The following GPRIN3 variants were observed in gnomAD, a reference collection of about 807,000 sequenced individuals.
GPRIN3 encodes the protein GPRIN family member 3.
Under a neutral mutation model 13.7 loss-of-function variants are expected in GPRIN3, and 12 were observed. That is an observed-to-expected ratio of 0.87 (90% CI 0.56 to 1.42). The LOEUF (loss-of-function observed/expected upper bound fraction) is 1.42, where lower values mean the gene tolerates loss of function less well. GPRIN3 is among the 40% of genes most tolerant of loss of function. The pLI, the probability that GPRIN3 is intolerant of heterozygous loss-of-function variation, is 0.00. For missense variants in GPRIN3, 1,009 were observed against 958.7 expected (o/e 1.05, Z -0.69); for synonymous variants, 377 against 372.7 (o/e 1.01, Z -0.13).
Position 89,250,064 on chromosome 4 carries a change from A to G in GPRIN3, c.47T>C (p.Ile16Thr), listed in dbSNP as rs1723283716. The change falls in exon 2 of 2, where the codon ATT becomes ACT. Residue 16 changes from isoleucine (I) to threonine (T), a missense_variant. By Grantham distance (89) the Ile-to-Thr change is moderately conservative. Coordinates refer to ENST00000609438, the MANE Select transcript of GPRIN3 (RefSeq NM_198281.3). ...DPLRSAKTSL[I>T]AASGKEDDLG... ...ATCGTCTTCTTTTCCGGAAGCTGCAATCAGGGAAGTTTTAGCTGATCTCAG... is the reference window on the plus strand; with the variant it reads ...ATCGTCTTCTTTTCCGGAAGCTGCAGTCAGGGAAGTTTTAGCTGATCTCAG... 5 of 1,613,844 alleles carry G rather than the reference A, an allele frequency of 3.1e-6. No homozygotes were observed. Among genetic ancestry groups the G allele is most frequent in the South Asian group, 1.1e-5 (1 of 91,094 alleles).
chr4:89,307,354 C>A (rs1184579210), intron 1 of GPRIN3, among the ~76,000 whole-genome samples: 3 of 152,028 alleles, frequency 2.0e-5, no homozygotes, highest in Non-Finnish European at 4.4e-5. Context: ...AATTTCCCTG[C>A]CCACGATCAG....
At chr4:89,284,559 C>T (rs943812021) in intron 1 of GPRIN3, among the ~76,000 whole-genome samples, 1 of 152,182 alleles carries the variant, frequency 6.6e-6, no homozygotes, top group African/African-American at 2.4e-5. Context: ...GTAGTAACAG[C>T]AATAATATTA....
chr4:89,248,441 G>C lies in GPRIN3; in HGVS notation c.1670C>G (p.Ser557Trp), dbSNP rs200328226. ...KEKESTGTDT[S>W]DAKTLLLNPK... ...ATTGAGCAGTAGGGTTTTGGCATCC[G>C]AGGTATCAGTGCCAGTAGACTCTTT... Residue 557 changes from serine (S) to tryptophan (W), a missense_variant, in exon 2 of 2, where the codon TCG becomes TGG. Ser to Trp is a radical substitution (Grantham distance 177). Coordinates refer to ENST00000609438, the MANE Select transcript of GPRIN3 (RefSeq NM_198281.3). 6.2e-7 allele frequency: 1 copy of C among 1,614,084 alleles called. No individual in the cohort carries two copies. The highest frequency in any genetic ancestry group is 8.5e-7 in the Non-Finnish European group (1 of 1,179,976).
At chr4:89,267,209 T>G (rs1393117312) in intron 1 of GPRIN3, among the ~76,000 whole-genome samples, 1 of 152,186 alleles carries the variant, frequency 6.6e-6, no homozygotes, top group Non-Finnish European at 1.5e-5. Flanking sequence ...GGTTTCCCAT[T>G]TTATAATCCT....
At position 89,243,997 on chromosome 4, in the gene GPRIN3, C is replaced by A. The variant is rs1195345708; in HGVS notation, c.*3783G>T. 6.6e-6 allele frequency: 1 copy of A among 152,160 alleles called. No individual in the cohort carries two copies. The highest frequency in any genetic ancestry group is 2.4e-5 in the African/African-American group (1 of 41,442). 9.4% of individuals were successfully genotyped at this position (152,160 alleles called of 1,614,324 possible). A position where few individuals can be genotyped will look rare whatever the true frequency, so the allele number is the denominator to read the frequency against. ...CAAAGTGGATGCAGAAAAGGACAAA[C>A]AATTTATATTAACAGCACACTTGCA... On this transcript the variant is annotated 3_prime_UTR_variant, in exon 2 of 2. Transcript: ENST00000609438.
chr4:89,282,980 A>C (rs1195164445), intron 1 of GPRIN3, among the ~76,000 whole-genome samples: 2 of 152,222 alleles, frequency 1.3e-5, no homozygotes, highest in African/African-American at 4.8e-5. Flanking sequence ...TAATGGAGGA[A>C]TGTTTTTCTG....
At chr4:89,264,548 T>C (rs1723732838) in intron 1 of GPRIN3, among the ~76,000 whole-genome samples, 1 of 152,064 alleles carries the variant, frequency 6.6e-6, no homozygotes, top group Non-Finnish European at 1.5e-5. Flanking sequence ...GGGAAGAGAG[T>C]TCTAGGCAGA....
intron 1 of GPRIN3, chr4:89,251,171 A>C (rs546370075): frequency 1.3e-5 from 2 of 152,334 alleles, no homozygotes; most frequent in East Asian, 3.9e-4. Flanking sequence ...AACATAGTTT[A>C]CAAGATACGA....
chr4:89,280,374 T>C (rs1437848992), intron 1 of GPRIN3, among the ~76,000 whole-genome samples: 2 of 152,264 alleles, frequency 1.3e-5, no homozygotes, highest in African/African-American at 4.8e-5. Context: ...AATCCTTTTA[T>C]GGTACCCACA....
chr4:89,285,351 T>TA (rs5860164), intron 1 of GPRIN3, among the ~76,000 whole-genome samples: 72,337 of 150,750 alleles, frequency 0.48, 20,510 homozygotes, highest in Non-Finnish European at 0.63. Context: ...GTATAATAAT[T>TA]AAAAAAAAAG....
At chr4:89,266,249 C>A (rs1222526024) in intron 1 of GPRIN3, among the ~76,000 whole-genome samples, 1 of 152,134 alleles carries the variant, frequency 6.6e-6, no homozygotes, top group Non-Finnish European at 1.5e-5. Flanking sequence ...GAAACTTGCT[C>A]AATAATCTGC....
In GPRIN3 at chr4:89,249,685, C is replaced by T. The variant is rs991641256; in HGVS notation, c.426G>A (p.Gln142=). ...QHTCQSIPGD[Q]PNAITSSMPE... is the part of the protein sequence containing the mutation. ...GCATGGATGAGGTGATGGCATTGGGCTGATCACCTGGGATGGACTGGCAGG... is the reference window on the plus strand; with the variant it reads ...GCATGGATGAGGTGATGGCATTGGGTTGATCACCTGGGATGGACTGGCAGG... The change falls in exon 2 of 2, where the codon CAG becomes CAA. Residue 142 remains glutamine, a synonymous_variant. Transcript: ENST00000609438. The T allele has an allele frequency of 1.4e-5, 22 of 1,614,010 alleles. No homozygotes were observed. The highest frequency in any genetic ancestry group is 2.7e-5 in the African/African-American group (2 of 74,926).
At position 89,248,997 on chromosome 4, in the gene GPRIN3, G is replaced by T. The variant is rs761115241; in HGVS notation, c.1114C>A (p.Leu372Ile). The change falls in exon 2 of 2, where the codon CTC (leucine) becomes ATC (isoleucine). Residue 372 changes from leucine (L) to isoleucine (I), a missense_variant. By Grantham distance (5) the Leu-to-Ile change is conservative (BLOSUM62 2). Coordinates refer to ENST00000609438, the MANE Select transcript of GPRIN3 (RefSeq NM_198281.3). The stretch of plus-strand genomic sequence containing the variant: ...TGGGGGGCTAGCGTGCTGTCAGAGA[G>T]CTCCAGTGTGTGGCTCCCACTGCTG... The part of the protein sequence containing the change: ...CHSSGSHTLE[L>I]SDSTLAPQES... 1.2e-6 allele frequency: 2 copies of T among 1,614,166 alleles called. No individual in the cohort carries two copies. Among genetic ancestry groups the T allele is most frequent in the Admixed American group, 3.3e-5 (2 of 60,032 alleles).
intron 1 of GPRIN3, among the ~76,000 whole-genome samples, chr4:89,255,976 C>A (rs2149260961): frequency 6.6e-6 from 1 of 152,268 alleles, no homozygotes; most frequent in East Asian, 1.9e-4. Flanking sequence ...AAATCGTGAG[C>A]AGAGACTTAA....
At position 89,242,212 on chromosome 4, in the gene GPRIN3, A is replaced by T. The variant is rs549018410; in HGVS notation, c.*5568T>A. ...GAATCCAGAAAGATACTTGATGAAG[A>T]GTTAGCATTTAGAAGTGCCCATCTG... On this transcript the variant is annotated 3_prime_UTR_variant, in exon 2 of 2. Coordinates refer to ENST00000609438, the MANE Select transcript of GPRIN3 (RefSeq NM_198281.3). The T allele has an allele frequency of 1.3e-5, 2 of 152,302 alleles. No homozygotes were observed. The highest frequency in any genetic ancestry group is 2.1e-4 in the South Asian group (1 of 4,826). The allele number at this position is 152,302 out of a possible 1,614,324, so 9.4% of individuals were successfully genotyped here.
rs975602447 is a variant in GPRIN3 at position 89,246,654 on chromosome 4, T to C, written c.*1126A>G. 7.2e-5 allele frequency: 11 copies of C among 152,224 alleles called. No individual in the cohort carries two copies. Among genetic ancestry groups the C allele is most frequent in the African/African-American group, 2.7e-4 (11 of 41,458 alleles). The allele number at this position is 152,224 out of a possible 1,614,324, so 9.4% of individuals were successfully genotyped here. On this transcript the variant is annotated 3_prime_UTR_variant, in exon 2 of 2. Coordinates refer to ENST00000609438, the MANE Select transcript of GPRIN3 (RefSeq NM_198281.3). The stretch of plus-strand genomic sequence containing the variant: ...CATATATATTTAAGCAATTAGATGA[T>C]AGTAGTCTATGTACAAAAATTGTAA...
At chr4:89,266,929 CAATT>C (rs1723797179) in intron 1 of GPRIN3, among the ~76,000 whole-genome samples, 1 of 151,898 alleles carries the variant, frequency 6.6e-6, no homozygotes, top group Non-Finnish European at 1.5e-5. Flanking sequence ...TTTGATATAT[CAATT>C]AATTGTGATG....
chr4:89,239,385 C>A lies in GPRIN3; in HGVS notation c.*8395G>T, dbSNP rs1722864519. On this transcript the variant is annotated 3_prime_UTR_variant, in exon 2 of 2. Coordinates refer to ENST00000609438, the MANE Select transcript of GPRIN3 (RefSeq NM_198281.3). ...TAATCACATAAATTTATCTTTGAAGCAACCATAAGTATTGACAAACATCAA... is the reference window on the plus strand; with the variant it reads ...TAATCACATAAATTTATCTTTGAAGAAACCATAAGTATTGACAAACATCAA... The A allele has an allele frequency of 6.6e-6, 1 of 152,060 alleles. No homozygotes were observed. The highest frequency in any genetic ancestry group is 1.5e-5 in the Non-Finnish European group (1 of 67,992). 9.4% of individuals were successfully genotyped at this position (152,060 alleles called of 1,614,324 possible).
chr4:89,260,388 G>A (rs1007872061), intron 1 of GPRIN3, among the ~76,000 whole-genome samples: 4 of 152,158 alleles, frequency 2.6e-5, no homozygotes, highest in Non-Finnish European at 2.9e-5. Flanking sequence ...CTTTGCTGGG[G>A]CCACAATCTT....
Sources: gnomAD v4.1 joint callset for allele counts (sites outside exome capture counted in the v4.1 genomes callset) on GRCh38, gnomAD v4.1.1 for gene constraint, MANE v1.5 for transcripts, NCBI Gene and HGNC (gene_info 2026-07-23, HGNC 2026-07-21) for gene names.